The following PPP3CC variants were observed in gnomAD, a reference collection of about 807,000 sequenced individuals.
PPP3CC encodes the protein serine/threonine-protein phosphatase 2B catalytic subunit gamma isoform.
PPP3CC carries 35 observed loss-of-function variants against 60.3 expected under a neutral mutation model. That is an observed-to-expected ratio of 0.58 (90% CI 0.44 to 0.77). The LOEUF is 0.77. Among genes scored for constraint, PPP3CC ranks in the 30% least tolerant of loss-of-function variants. The pLI is 0.00. For synonymous variants in PPP3CC, 206 were observed against 224.3 expected (o/e 0.92, Z 0.73); for missense variants, 570 against 628.9 (o/e 0.91, Z 1.00).
Position 22,475,604 on chromosome 8 carries a change from A to G in PPP3CC, c.352A>G (p.Arg118Gly). Residue 118 changes from arginine (R) to glycine (G), a missense_variant, in exon 3 of 14, where the codon AGA becomes GGA. Transcript: ENST00000240139. ...CCTCTTTCTGGGTGACTATGTGGACAGAGGCTATTTCAGTATAGAGGTAAA... is the reference window on the plus strand; with the variant it reads ...CCTCTTTCTGGGTGACTATGTGGACGGAGGCTATTTCAGTATAGAGGTAAA... ...RYLFLGDYVD[R>G]GYFSIECVLY... is the part of the protein sequence containing the mutation. 6.2e-7 allele frequency: 1 copy of G among 1,613,440 alleles called. No individual in the cohort carries two copies. Among genetic ancestry groups the G allele is most frequent in the African/African-American group, 1.3e-5 (1 of 75,036 alleles).
chr8:22,533,356 T>C (rs950039164), intron 12 of PPP3CC, among the ~76,000 whole-genome samples: 1 of 152,026 alleles, frequency 6.6e-6, no homozygotes, highest in African/African-American at 2.4e-5. Flanking sequence ...TTCTTAAAAA[T>C]ACATGATTAA....
chr8:22,446,090 T>G (rs1207102567), intron 1 of PPP3CC, among the ~76,000 whole-genome samples: 1 of 152,242 alleles, frequency 6.6e-6, no homozygotes, highest in Non-Finnish European at 1.5e-5. Context: ...AAATTTTTTT[T>G]GCCTTACGTA....
At chr8:22,451,591 C>T (rs1319373559) in intron 1 of PPP3CC, among the ~76,000 whole-genome samples, 1 of 152,148 alleles carries the variant, frequency 6.6e-6, no homozygotes, top group African/African-American at 2.4e-5. Flanking sequence ...GGGGACATAA[C>T]CCAAAGTTTT....
At chr8:22,459,942 TGAA>T (rs1837318512) in intron 1 of PPP3CC, among the ~76,000 whole-genome samples, 1 of 152,152 alleles carries the variant, frequency 6.6e-6, no homozygotes, top group South Asian at 2.1e-4. Flanking sequence ...TTTAAGAAAA[TGAA>T]GAGGCAAGCC....
At chr8:22,471,873 T>C (rs1260212251) in intron 1 of PPP3CC, among the ~76,000 whole-genome samples, 2 of 152,184 alleles carry the variant, frequency 1.3e-5, no homozygotes, top group African/African-American at 4.8e-5. Flanking sequence ...ACTCCTGTAA[T>C]CCCAGCACTT....
intron 4 of PPP3CC, among the ~76,000 whole-genome samples, chr8:22,503,257 C>T (rs988206183): frequency 4.6e-5 from 7 of 151,954 alleles, no homozygotes; most frequent in Admixed American, 3.9e-4. Context: ...TCACCAAATA[C>T]AAAAATGGGA....
intron 3 of PPP3CC, among the ~76,000 whole-genome samples, chr8:22,476,459 G>A (rs1330083315): frequency 3.3e-5 from 5 of 152,234 alleles, no homozygotes; most frequent in East Asian, 1.9e-4. Context: ...ACTGTACTAA[G>A]TGTGTTTCTG....
intron 10 of PPP3CC, chr8:22,531,460 A>G: frequency 1.1e-6 from 1 of 922,046 alleles, no homozygotes; most frequent in Non-Finnish European, 1.7e-6. Flanking sequence ...TTTAATGTAT[A>G]TGTTTTCTCT....
chr8:22,503,279 T>G (rs981205706), intron 4 of PPP3CC, among the ~76,000 whole-genome samples: 1 of 152,152 alleles, frequency 6.6e-6, no homozygotes, highest in Non-Finnish European at 1.5e-5. Flanking sequence ...ATATTTTATT[T>G]TATATTATTT....
intron 1 of PPP3CC, among the ~76,000 whole-genome samples, chr8:22,443,705 T>C (rs999615140): frequency 6.6e-6 from 1 of 152,184 alleles, no homozygotes; most frequent in Non-Finnish European, 1.5e-5. Flanking sequence ...GTCCTTAGAA[T>C]GTATGGATTT....
chr8:22,460,599 T>G (rs1244679967), intron 1 of PPP3CC, among the ~76,000 whole-genome samples: 5 of 152,036 alleles, frequency 3.3e-5, no homozygotes, highest in African/African-American at 4.8e-5. Context: ...GTGGGAGAAC[T>G]GCTTGAAGCC....
chr8:22,498,969 C>G (rs1212246088), intron 4 of PPP3CC, among the ~76,000 whole-genome samples: 1 of 151,184 alleles, frequency 6.6e-6, no homozygotes, highest in South Asian at 2.1e-4. Flanking sequence ...ACTCAAAATA[C>G]AAAAATTAGC....
intron 3 of PPP3CC, among the ~76,000 whole-genome samples, chr8:22,489,720 T>TAA (rs1563731755): frequency 2.5e-4 from 35 of 140,932 alleles, no homozygotes; most frequent in African/African-American, 8.9e-4. Context: ...TAAGTATATA[T>TAA]TATATATTAT....
chr8:22,536,452 A>C (rs1307725855), intron 12 of PPP3CC, among the ~76,000 whole-genome samples: 1 of 152,242 alleles, frequency 6.6e-6, no homozygotes. Context: ...TGAGAAAGCA[A>C]ATCTGCAAAT....
chr8:22,524,731 A>G (rs1220908922), intron 8 of PPP3CC, among the ~76,000 whole-genome samples: 1 of 152,194 alleles, frequency 6.6e-6, no homozygotes, highest in Non-Finnish European at 1.5e-5. Flanking sequence ...TGGATTTATC[A>G]GTGTGCCAAG....
chr8:22,469,516 G>A (rs1023117436), intron 1 of PPP3CC, among the ~76,000 whole-genome samples: 7 of 151,856 alleles, frequency 4.6e-5, no homozygotes, highest in African/African-American at 1.7e-4. Flanking sequence ...TAATATACAT[G>A]TAACATAATT....
rs558510846 is a variant in PPP3CC, at chr8:22,475,525, C to A, written c.273C>A (p.Phe91Leu). 5 of 1,610,336 alleles carry A rather than the reference C, an allele frequency of 3.1e-6. No homozygotes were observed. In the African/African-American group the frequency reaches 6.7e-5, roughly 21 times the overall value. Residue 91 changes from phenylalanine to leucine, a missense_variant, in exon 3 of 14, where the codon TTC becomes TTA. Phe to Leu is a conservative substitution (Grantham distance 22). Transcript: ENST00000240139. ...ITVCGDIHGQ[F>L]FDLMKLFEVG... is the part of the protein sequence containing the mutation. ...TATGTGGTGATATTCATGGACAATTCTTTGACCTAATGAAGTTATTTGAAG... is the reference window on the plus strand; with the variant it reads ...TATGTGGTGATATTCATGGACAATTATTTGACCTAATGAAGTTATTTGAAG...
At chr8:22,537,768 C>T (rs1225074359) in intron 12 of PPP3CC, among the ~76,000 whole-genome samples, 2 of 152,142 alleles carry the variant, frequency 1.3e-5, no homozygotes, top group Admixed American at 6.5e-5. Flanking sequence ...ACCTTGAAAA[C>T]ATTATGCTAA....
At chr8:22,522,794 G>C (rs760288012) in intron 8 of PPP3CC, 45 bp downstream of exon 8, 2 of 1,327,880 alleles carry the variant, frequency 1.5e-6, no homozygotes, top group Non-Finnish European at 2.2e-6. Flanking sequence ...ATGAGTAAAC[G>C]TGAGCTCTGG....
Sources: allele counts gnomAD v4.1 joint callset (sites outside exome capture counted in the v4.1 genomes callset), GRCh38; gene constraint gnomAD v4.1.1; transcripts MANE v1.5; gene names NCBI Gene and HGNC (gene_info 2026-07-23, HGNC 2026-07-21).